Variants in KATNBL1 observed in about 807,000 individuals in gnomAD.
KATNBL1 encodes the protein KATNB1-like protein 1.
KATNBL1 carries 28 observed loss-of-function variants against 44.7 expected under a neutral mutation model. The ratio of observed to expected loss-of-function variants is 0.63; its 90% CI spans 0.46 to 0.86. The LOEUF (loss-of-function observed/expected upper bound fraction) is 0.86, where lower values mean the gene tolerates loss of function less well. Among genes scored for constraint, KATNBL1 ranks in the 40% least tolerant of loss-of-function variants. The pLI is 0.00. For missense variants in KATNBL1, 272 were observed against 350.7 expected, an observed-to-expected ratio of 0.78 and a Z score of 1.79; for synonymous variants, 78 against 114.9, an observed-to-expected ratio of 0.68 and a Z score of 2.06.
At chr15:34,198,809 T>C (rs928672965) in intron 1 of KATNBL1, among the ~76,000 whole-genome samples, 4 of 152,216 alleles carry the variant, frequency 2.6e-5, no homozygotes, top group African/African-American at 9.7e-5. Context: ...AGACTTGTAG[T>C]CAAAAAGTAA....
chr15:34,188,818 A>ACTCCC (rs1889796181), intron 1 of KATNBL1, among the ~76,000 whole-genome samples: 1 of 151,952 alleles, frequency 6.6e-6, no homozygotes, highest in Non-Finnish European at 1.5e-5. Flanking sequence ...CTTTTCATGA[A>ACTCCC]CTCCCCAAAG....
At position 34,163,693 on chromosome 15, in the gene KATNBL1, A is replaced by G. The variant is rs1348852460; in HGVS notation, c.-14-3T>C. The G allele has an allele frequency of 2.1e-6, 3 of 1,455,814 alleles. No homozygotes were observed. The highest frequency in any genetic ancestry group is 2.8e-6 in the Non-Finnish European group (3 of 1,073,830). 90.2% of individuals were successfully genotyped at this position (1,455,814 alleles called of 1,614,324 possible). On this transcript the variant is annotated splice_region_variant and splice_polypyrimidine_tract_variant and intron_variant, in intron 1 of 9. Transcript: ENST00000256544. ...TGATGCCATAATCTCTTAAGTACCT[A>G]GACAATAAAATAAAATAGAAAATTA...
chr15:34,175,790 G>A (rs767766340), intron 1 of KATNBL1, among the ~76,000 whole-genome samples: 2 of 152,136 alleles, frequency 1.3e-5, no homozygotes, highest in African/African-American at 4.8e-5. Context: ...ACTTGAACCC[G>A]GGAGGCGGAG....
intron 1 of KATNBL1, among the ~76,000 whole-genome samples, chr15:34,169,099 T>C (rs1042494999): frequency 3.3e-5 from 5 of 152,008 alleles, no homozygotes; most frequent in African/African-American, 1.2e-4. Flanking sequence ...AGAGCAGAAC[T>C]GAAGGAGATA....
Position 34,143,076 on chromosome 15 carries a change from CTCA to C in KATNBL1, c.883-708_883-706del, listed in dbSNP as rs1233624815. 3.1e-5 allele frequency: 37 copies of C among 1,187,264 alleles called. No individual in the cohort carries two copies. The South Asian group carries it at 4.5e-4, about 14-fold the overall frequency. The allele number at this position is 1,187,264 out of a possible 1,614,324, so 73.5% of individuals were successfully genotyped here. ...TGATGGTTTAATTTTGTAAGAAAGT[CTCA>C]TCATAAGGAACTTCGCATTGAACTT... On this transcript the variant is annotated intron_variant, in intron 9 of 9. Coordinates refer to ENST00000256544, the MANE Select transcript of KATNBL1 (RefSeq NM_024713.3).
At chr15:34,183,163 C>A in intron 1 of KATNBL1, among the ~76,000 whole-genome samples, 1 of 152,204 alleles carries the variant, frequency 6.6e-6, no homozygotes, top group East Asian at 1.9e-4. Context: ...TTCGTTTTGA[C>A]TGGCGACTAC....
intron 1 of KATNBL1, among the ~76,000 whole-genome samples, chr15:34,191,179 A>G (rs868783599): frequency 8.1e-6 from 1 of 122,978 alleles, no homozygotes; most frequent in Non-Finnish European, 1.7e-5. Context: ...ATATATATAT[A>G]TATATATATT....
intron 1 of KATNBL1, among the ~76,000 whole-genome samples, chr15:34,192,909 G>C (rs1179364657): frequency 3.9e-5 from 6 of 152,264 alleles, no homozygotes; most frequent in African/African-American, 1.4e-4. Context: ...CATCTCATAA[G>C]TATTACTTTA....
chr15:34,156,944 G>A (rs370653749), intron 2 of KATNBL1, among the ~76,000 whole-genome samples: 1 of 152,200 alleles, frequency 6.6e-6, no homozygotes, highest in Non-Finnish European at 1.5e-5. Context: ...ACCAACTACA[G>A]CATAAAAGCT....
chr15:34,176,510 A>G (rs994601651), intron 1 of KATNBL1, among the ~76,000 whole-genome samples: 1 of 152,222 alleles, frequency 6.6e-6, no homozygotes, highest in African/African-American at 2.4e-5. Context: ...TAAAATTTAT[A>G]GAGATAGAAA....
chr15:34,150,295 AG>A (rs530938410), intron 4 of KATNBL1, among the ~76,000 whole-genome samples: 401 of 152,360 alleles, frequency 2.6e-3, no homozygotes, highest in South Asian at 4.1e-3. Flanking sequence ...CTTTTTAAAA[AG>A]AACTTTTATT....
chr15:34,185,014 G>T (rs527553878), intron 1 of KATNBL1, among the ~76,000 whole-genome samples: 2 of 152,100 alleles, frequency 1.3e-5, no homozygotes, highest in African/African-American at 4.8e-5. Flanking sequence ...TCTGTGCCTA[G>T]GCTGGAGTGC....
intron 9 of KATNBL1, 57 bp from the exon 10 acceptor site, chr15:34,142,428 C>T (rs1888176599): frequency 6.6e-7 from 1 of 1,512,830 alleles, no homozygotes; most frequent in African/African-American, 1.4e-5. Flanking sequence ...CAAACATAAA[C>T]AATCCATTTT....
intron 1 of KATNBL1, among the ~76,000 whole-genome samples, chr15:34,206,480 AT>A (rs2141010790): frequency 6.6e-6 from 1 of 152,320 alleles, no homozygotes; most frequent in South Asian, 2.1e-4. Flanking sequence ...TAAACACAGC[AT>A]TTGAACCTGG....
intron 1 of KATNBL1, among the ~76,000 whole-genome samples, chr15:34,193,514 A>G (rs1412244388): frequency 1.3e-5 from 2 of 152,152 alleles, no homozygotes; most frequent in East Asian, 3.9e-4. Flanking sequence ...AGCCTGGGAA[A>G]CAGAGCAAGA....
chr15:34,156,257 A>T (rs1343065928), intron 2 of KATNBL1, among the ~76,000 whole-genome samples: 1 of 152,202 alleles, frequency 6.6e-6, no homozygotes, highest in Non-Finnish European at 1.5e-5. Context: ...CAGAAGCTGG[A>T]TGGCCCTCGG....
chr15:34,174,459 T>C (rs1246154907), intron 1 of KATNBL1, among the ~76,000 whole-genome samples: 2 of 152,116 alleles, frequency 1.3e-5, no homozygotes, highest in Non-Finnish European at 2.9e-5. Flanking sequence ...AATAAACTGA[T>C]AGACTTAAGC....
chr15:34,175,720 G>A (rs1217710415), intron 1 of KATNBL1, among the ~76,000 whole-genome samples: 2 of 152,136 alleles, frequency 1.3e-5, no homozygotes, highest in African/African-American at 2.4e-5. Flanking sequence ...GATCCCTCAC[G>A]CATTACTACG....
intron 1 of KATNBL1, among the ~76,000 whole-genome samples, chr15:34,192,528 A>G (rs1158779130): frequency 2.0e-5 from 3 of 152,222 alleles, no homozygotes; most frequent in East Asian, 1.9e-4. Flanking sequence ...GCAATGATAC[A>G]GAGAAAATGG....
Sources: gnomAD v4.1 joint callset for allele counts (sites outside exome capture counted in the v4.1 genomes callset) on GRCh38, gnomAD v4.1.1 for gene constraint, MANE v1.5 for transcripts, NCBI Gene and HGNC (gene_info 2026-07-23, HGNC 2026-07-21) for gene names.